The following UBR3 variants were observed in gnomAD, a reference collection of about 807,000 sequenced individuals.
The protein encoded by UBR3 is ubiquitin protein ligase E3 component n-recognin 3, also known as E3 ubiquitin-protein ligase UBR3.
Under a neutral mutation model 243.2 loss-of-function variants are expected in UBR3, and 85 were observed. That is an observed-to-expected ratio of 0.35 (90% CI 0.29 to 0.42). UBR3 has a LOEUF of 0.42. Among genes scored for constraint, UBR3 ranks in the 10% least tolerant of loss-of-function variants. The pLI is 1.00. For missense variants in UBR3, 1,686 were observed against 2,300.8 expected, an observed-to-expected ratio of 0.73 and a Z score of 5.47; for synonymous variants, 748 against 799.8, an observed-to-expected ratio of 0.94 and a Z score of 1.09.
At chr2:169,903,959 A>G (rs181426657) in intron 8 of UBR3, among the ~76,000 whole-genome samples, 3 of 152,292 alleles carry the variant, frequency 2.0e-5, no homozygotes, top group Admixed American at 1.3e-4. Flanking sequence ...TTTTCAGGAT[A>G]TGATTTCCTT....
intron 3 of UBR3, among the ~76,000 whole-genome samples, 157 bp downstream of exon 3, chr2:169,876,106 C>CG (rs1187647927): frequency 7.5e-6 from 1 of 134,082 alleles, no homozygotes; most frequent in Non-Finnish European, 1.5e-5. Flanking sequence ...TTTTTTGAGA[C>CG]GGAGTCTAGC....
At chr2:169,971,931 G>A (rs1055266806) in intron 24 of UBR3, among the ~76,000 whole-genome samples, 1 of 152,094 alleles carries the variant, frequency 6.6e-6, no homozygotes, top group East Asian at 1.9e-4. Flanking sequence ...AGAACTGAAG[G>A]AAATAGAGAC....
intron 30 of UBR3, among the ~76,000 whole-genome samples, chr2:170,019,553 C>T (rs897539104): frequency 6.6e-6 from 1 of 151,810 alleles, no homozygotes; most frequent in Non-Finnish European, 1.5e-5. Context: ...GGTGTGGTGG[C>T]GTGTGCCTGT....
At chr2:170,073,636 C>T (rs745335734) in intron 36 of UBR3, 29 bp downstream of exon 36, 4 of 1,601,782 alleles carry the variant, frequency 2.5e-6, no homozygotes, top group Admixed American at 3.5e-5. Flanking sequence ...ACTAGCTTGT[C>T]ACGGTGGTGA....
rs1199464192 is a variant in UBR3, at chr2:170,015,382, T to C, written c.4453+16T>C. On this transcript the variant is annotated intron_variant, in intron 30 of 38. Coordinates refer to ENST00000272793, the MANE Select transcript of UBR3 (RefSeq NM_172070.4). Reference sequence around the variant, plus strand: ...TCTTGTTTAAGTAAGTACTAAATACTGCTAAATTTAAAAAAAATTCTGTCA... The same window carrying C: ...TCTTGTTTAAGTAAGTACTAAATACCGCTAAATTTAAAAAAAATTCTGTCA... The C allele has an allele frequency of 6.3e-7, 1 of 1,575,610 alleles. No homozygotes were observed.
intron 16 of UBR3, 145 bp from the exon 17 acceptor site, chr2:169,927,175 A>C: frequency 2.1e-6 from 2 of 936,792 alleles, no homozygotes; most frequent in Non-Finnish European, 3.2e-6. Context: ...GTTAAACTGC[A>C]GTTATGTTTG....
chr2:170,025,113 T>C (rs991040839), intron 30 of UBR3, among the ~76,000 whole-genome samples: 1 of 152,176 alleles, frequency 6.6e-6, no homozygotes, highest in African/African-American at 2.4e-5. Context: ...ATTGTAGATA[T>C]ATAATGCTCA....
At chr2:170,064,803 A>ATTTTTTTTTTTT in intron 35 of UBR3, among the ~76,000 whole-genome samples, 3 of 87,870 alleles carry the variant, frequency 3.4e-5, no homozygotes, top group African/African-American at 4.3e-5. Context: ...TGCTTTTTCT[A>ATTTTTTTTTTTT]TTTTTTTTTT....
chr2:169,942,095 A>G (rs2086613683), intron 19 of UBR3, among the ~76,000 whole-genome samples: 1 of 152,200 alleles, frequency 6.6e-6, no homozygotes, highest in Non-Finnish European at 1.5e-5. Flanking sequence ...TCAAATACGC[A>G]TTCAAAAGAT....
At chr2:169,905,075 AT>A (rs2084965655) in intron 8 of UBR3, 38 bp from the exon 9 acceptor site, 1 of 1,415,716 alleles carries the variant, frequency 7.1e-7, no homozygotes, top group Admixed American at 3.2e-5. Context: ...TTTTAAAAAA[AT>A]CTTATGAAAT....
chr2:169,903,743 G>C (rs567860897), intron 8 of UBR3, among the ~76,000 whole-genome samples: 2 of 152,182 alleles, frequency 1.3e-5, no homozygotes, highest in Middle Eastern at 6.8e-3. Context: ...AATATGAGCC[G>C]GGTGTGGTGG....
intron 28 of UBR3, among the ~76,000 whole-genome samples, chr2:170,008,457 A>G (rs1343092397): frequency 6.6e-6 from 1 of 152,180 alleles, no homozygotes; most frequent in South Asian, 2.1e-4. Flanking sequence ...TCTTTGAAAA[A>G]TGAACTTAAA....
chr2:169,851,431 C>T (rs915460639), intron 1 of UBR3, among the ~76,000 whole-genome samples: 3 of 152,178 alleles, frequency 2.0e-5, no homozygotes, highest in Admixed American at 6.5e-5. Context: ...AGATTATAGG[C>T]GTGAGCCATC....
At chr2:169,896,185 G>T (rs1197718986) in intron 7 of UBR3, among the ~76,000 whole-genome samples, 1 of 152,190 alleles carries the variant, frequency 6.6e-6, no homozygotes, top group Non-Finnish European at 1.5e-5. Context: ...CTACTTGGGA[G>T]GCTGAGGCAG....
intron 1 of UBR3, among the ~76,000 whole-genome samples, chr2:169,845,790 C>T (rs753450170): frequency 3.3e-5 from 5 of 151,828 alleles, no homozygotes; most frequent in African/African-American, 1.2e-4. Flanking sequence ...TGCCATGTTG[C>T]CCAGGCTAGT....
chr2:169,852,883 A>AAAAAAAAAAAAAAAAAAAAAAAAAAAAAC (rs1491293579), intron 1 of UBR3, among the ~76,000 whole-genome samples: 1 of 59,732 alleles, frequency 1.7e-5, no homozygotes, highest in Non-Finnish European at 5.7e-5. Context: ...AAAAAACAAA[A>AAAAAAAAAAAAAAAAAAAAAAAAAAAAAC]CCAAACAAAT....
chr2:170,039,495 A>G (rs555712991), intron 31 of UBR3, among the ~76,000 whole-genome samples: 2 of 152,258 alleles, frequency 1.3e-5, no homozygotes, highest in East Asian at 1.9e-4. Flanking sequence ...AAACAAGTAT[A>G]CTAAGGAATA....
intron 26 of UBR3, among the ~76,000 whole-genome samples, chr2:169,996,468 G>A (rs1574362549): frequency 6.6e-6 from 1 of 152,286 alleles, no homozygotes; most frequent in South Asian, 2.1e-4. Context: ...AATGTAAAGT[G>A]ATGTTTTAAA....
intron 27 of UBR3, among the ~76,000 whole-genome samples, chr2:170,003,798 G>T (rs929175628): frequency 6.6e-6 from 1 of 152,068 alleles, no homozygotes; most frequent in Non-Finnish European, 1.5e-5. Flanking sequence ...CCGCCACCAC[G>T]CCCGGCTAAT....
Sources: allele counts gnomAD v4.1 joint callset (sites outside exome capture counted in the v4.1 genomes callset), GRCh38; gene constraint gnomAD v4.1.1; transcripts MANE v1.5; gene names NCBI Gene and HGNC (gene_info 2026-07-23, HGNC 2026-07-21).